The following NELL1 variants were observed in gnomAD, a reference collection of about 807,000 sequenced individuals.
NELL1 encodes protein kinase C-binding protein NELL1.
Under a neutral mutation model 107.4 loss-of-function variants are expected in NELL1, and 76 were observed. The ratio of observed to expected loss-of-function variants is 0.71; its 90% CI spans 0.59 to 0.86. NELL1 has a LOEUF of 0.86. NELL1 is among the 40% of genes least tolerant of loss of function. NELL1 has a pLI of 0.00. For missense variants in NELL1, 1,024 were observed against 1,005.5 expected (o/e 1.02, Z -0.25); for synonymous variants, 353 against 341.2 (o/e 1.03, Z -0.38).
intron 15 of NELL1, among the ~76,000 whole-genome samples, chr11:21,426,044 TTATC>T (rs1311452302): frequency 2.0e-5 from 3 of 152,176 alleles, no homozygotes; most frequent in African/African-American, 4.8e-5. Context: ...TAAACTCTGT[TTATC>T]TATTGTGTAG....
intron 12 of NELL1, among the ~76,000 whole-genome samples, chr11:20,989,479 C>A (rs1277974565): frequency 3.3e-5 from 5 of 152,142 alleles, no homozygotes; most frequent in Non-Finnish European, 7.3e-5. Context: ...CCTTTCTGTT[C>A]CATTACCTTA....
At chr11:21,523,585 A>T (rs1564939815) in intron 15 of NELL1, among the ~76,000 whole-genome samples, 4 of 152,070 alleles carry the variant, frequency 2.6e-5, no homozygotes, top group Non-Finnish European at 5.9e-5. Flanking sequence ...CACTTTGCTG[A>T]TTACCTGACT....
intron 4 of NELL1, among the ~76,000 whole-genome samples, chr11:20,873,375 T>C (rs753621667): frequency 1.6e-4 from 25 of 152,226 alleles, no homozygotes; most frequent in Non-Finnish European, 2.8e-4. Context: ...TTCTAACCAG[T>C]TGAGCCAAGT....
intron 15 of NELL1, among the ~76,000 whole-genome samples, chr11:21,516,740 T>TACACACAC (rs113449367): frequency 2.5e-4 from 36 of 141,960 alleles, no homozygotes; most frequent in African/African-American, 7.6e-4. Flanking sequence ...CACACACACA[T>TACACACAC]ACACACACAC....
chr11:21,480,239 G>A (rs1434986631), intron 15 of NELL1, among the ~76,000 whole-genome samples: 1 of 152,176 alleles, frequency 6.6e-6, no homozygotes, highest in Non-Finnish European at 1.5e-5. Flanking sequence ...TTTGGAATCA[G>A]TGAACCTTTA....
At chr11:20,951,751 G>C (rs10766748) in intron 11 of NELL1, among the ~76,000 whole-genome samples, 17,958 of 152,060 alleles carry the variant, frequency 0.12, 1,665 homozygotes, top group East Asian at 0.47. Context: ...TAGTTTGTGG[G>C]ACTCATGGTC....
At chr11:21,140,459 T>C (rs1447515839) in intron 13 of NELL1, among the ~76,000 whole-genome samples, 1 of 152,224 alleles carries the variant, frequency 6.6e-6, no homozygotes, top group Non-Finnish European at 1.5e-5. Flanking sequence ...GTTTAATAAC[T>C]GCTTTTAAAA....
intron 13 of NELL1, among the ~76,000 whole-genome samples, chr11:21,201,260 T>C (rs767949468): frequency 2.0e-5 from 3 of 152,222 alleles, no homozygotes; most frequent in Non-Finnish European, 4.4e-5. Flanking sequence ...TTCCCATTCA[T>C]GACCATGAAA....
Position 21,483,878 on chromosome 11 carries a change from C to CAT in NELL1, c.1646-50495_1646-50494insTA, listed in dbSNP as rs1485901293. Reference sequence around the variant, plus strand: ...ATATATACATATACAAACACACACACACACACATATATATATATATATAAA... The same window carrying CAT: ...ATATATACATATACAAACACACACACATACACACATATATATATATATATAAA... On this transcript the variant is annotated intron_variant, in intron 15 of 19. Transcript: ENST00000357134. Among the ~76,000 whole-genome samples, 646 of 142,066 alleles carry CAT rather than the reference C, an allele frequency of 4.5e-3. 35 individuals are homozygous for CAT. The East Asian group carries it at 0.12, about 26-fold the overall frequency. The allele number at this position is 142,066 out of a possible 152,430, so 93.2% of individuals were successfully genotyped here.
At chr11:21,297,361 A>T (rs1008516119) in intron 14 of NELL1, among the ~76,000 whole-genome samples, 1 of 152,060 alleles carries the variant, frequency 6.6e-6, no homozygotes, top group African/African-American at 2.4e-5. Flanking sequence ...TTTTAAATTT[A>T]TAAAACATGT....
chr11:21,120,850 T>C (rs893439502), intron 13 of NELL1, among the ~76,000 whole-genome samples: 4 of 152,296 alleles, frequency 2.6e-5, no homozygotes, highest in African/African-American at 9.6e-5. Context: ...TCTGTTGTTT[T>C]CATTTGTATG....
chr11:21,240,200 T>C (rs1197197750), intron 14 of NELL1, among the ~76,000 whole-genome samples: 1 of 152,090 alleles, frequency 6.6e-6, no homozygotes, highest in Non-Finnish European at 1.5e-5. Context: ...CTACGTATTT[T>C]AGATGAACTG....
chr11:21,342,794 G>C (rs1850603853), intron 14 of NELL1, among the ~76,000 whole-genome samples: 1 of 152,086 alleles, frequency 6.6e-6, no homozygotes, highest in African/African-American at 2.4e-5. Context: ...AACAAATGCT[G>C]AGCTACTGGT....
intron 12 of NELL1, among the ~76,000 whole-genome samples, chr11:20,963,634 AG>A (rs1405061002): frequency 6.6e-6 from 1 of 152,100 alleles, no homozygotes; most frequent in Non-Finnish European, 1.5e-5. Flanking sequence ...CGGGTAGACA[AG>A]CTTACAGATG....
intron 16 of NELL1, among the ~76,000 whole-genome samples, chr11:21,537,120 G>A (rs1188512106): frequency 6.6e-6 from 1 of 152,116 alleles, no homozygotes; most frequent in East Asian, 1.9e-4. Flanking sequence ...ATTTGTAAAT[G>A]ATCCTTCATC....
At chr11:20,935,330 G>A (rs995014656) in intron 9 of NELL1, among the ~76,000 whole-genome samples, 13 of 152,162 alleles carry the variant, frequency 8.5e-5, no homozygotes, top group Admixed American at 7.2e-4. Context: ...AGCCCTAAGC[G>A]GAAGCTCATG....
At chr11:21,351,534 A>G (rs1435502034) in intron 14 of NELL1, among the ~76,000 whole-genome samples, 1 of 152,084 alleles carries the variant, frequency 6.6e-6, no homozygotes, top group African/African-American at 2.4e-5. Context: ...AAAAAAAAAA[A>G]AAGAAACTTT....
intron 11 of NELL1, 94 bp downstream of exon 11, chr11:20,947,529 G>A (rs1850988974): frequency 2.3e-6 from 2 of 883,984 alleles, no homozygotes; most frequent in African/African-American, 3.3e-5. Flanking sequence ...TAATAACATG[G>A]GTCCAAAACT....
At chr11:20,699,115 G>A (rs906930836) in intron 2 of NELL1, among the ~76,000 whole-genome samples, 26 of 151,530 alleles carry the variant, frequency 1.7e-4, no homozygotes, top group Admixed American at 1.3e-3. Context: ...TACTCGGGAG[G>A]TTGAGGCAGG....
Sources: allele counts gnomAD v4.1 joint callset (sites outside exome capture counted in the v4.1 genomes callset), GRCh38; gene constraint gnomAD v4.1.1; transcripts MANE v1.5; gene names NCBI Gene and HGNC (gene_info 2026-07-23, HGNC 2026-07-21).